Variants in SEC14L5 observed in about 807,000 individuals in gnomAD.
The protein encoded by SEC14L5 is SEC14-like protein 5.
Under a neutral mutation model 84.6 loss-of-function variants are expected in SEC14L5, and 96 were observed. The ratio of observed to expected loss-of-function variants is 1.13; its 90% confidence interval spans 0.96 to 1.34. The LOEUF (loss-of-function observed/expected upper bound fraction) is 1.34. Ranked by LOEUF, SEC14L5 falls within the 40% of genes most tolerant of loss-of-function variation. The pLI is 0.00. For synonymous variants in SEC14L5, 546 were observed against 383.4 expected (o/e 1.42, Z -4.95); for missense variants, 1,224 against 942.5 (o/e 1.30, Z -3.91).
intron 13 of SEC14L5, 120 bp downstream of exon 13, chr16:5,007,606 CT>C (rs377374416): frequency 0.34 from 187,320 of 554,846 alleles, 5,847 homozygotes; most frequent in African/African-American, 0.44. Context: ...TTCTTTCTTT[CT>C]TTTTTTTTTT....
At chr16:4,960,120 C>G (rs974809534) in intron 2 of SEC14L5, among the ~76,000 whole-genome samples, 1 of 152,212 alleles carries the variant, frequency 6.6e-6, no homozygotes, top group African/African-American at 2.4e-5. Context: ...CTGGTCTTTT[C>G]ACCCTGGGGG....
chr16:5,013,766 C>T (rs1314587402), intron 15 of SEC14L5, among the ~76,000 whole-genome samples: 1 of 151,952 alleles, frequency 6.6e-6, no homozygotes, highest in African/African-American at 2.4e-5. Flanking sequence ...CCATGTTAGC[C>T]AGGCTGGTGT....
intron 11 of SEC14L5, among the ~76,000 whole-genome samples, chr16:5,005,410 G>A (rs1261097416): frequency 6.6e-6 from 1 of 151,710 alleles, no homozygotes; most frequent in African/African-American, 2.4e-5. Flanking sequence ...GGGGAGATGG[G>A]AAGTGACGGT....
chr16:5,014,064 A>G (rs556959197), intron 15 of SEC14L5, among the ~76,000 whole-genome samples: 3 of 152,384 alleles, frequency 2.0e-5, no homozygotes, highest in Admixed American at 1.3e-4. Context: ...TTGAGTAGCA[A>G]GGCCCTAAAG....
intron 5 of SEC14L5, among the ~76,000 whole-genome samples, chr16:4,991,574 T>A (rs1001149843): frequency 5.9e-5 from 9 of 151,642 alleles, no homozygotes; most frequent in Non-Finnish European, 1.3e-4. Flanking sequence ...TCAAAAAAAA[T>A]AAACAAAAAC....
chr16:5,011,001 C>A, intron 14 of SEC14L5, 94 bp from the exon 15 acceptor site: 1 of 1,261,100 alleles, frequency 7.9e-7, no homozygotes, highest in Non-Finnish European at 1.1e-6. Context: ...GCCCCAATTT[C>A]CAGGCCTGGT....
intron 2 of SEC14L5, among the ~76,000 whole-genome samples, chr16:4,976,175 C>G (rs112387402): frequency 8.7e-4 from 132 of 152,316 alleles, no homozygotes; most frequent in African/African-American, 2.9e-3. Context: ...TGAGCTGACT[C>G]CTTTATTCTT....
chr16:4,980,003 C>A (rs922617364), intron 2 of SEC14L5, among the ~76,000 whole-genome samples: 4 of 152,208 alleles, frequency 2.6e-5, no homozygotes, highest in African/African-American at 7.2e-5. Flanking sequence ...TGAGGCAGGA[C>A]ACAGTGATTC....
Position 4,965,143 on chromosome 16 carries a change from G to T in SEC14L5, c.63+5757G>T, listed in dbSNP as rs1327051594. On this transcript the variant is annotated intron_variant, in intron 2 of 15. Coordinates refer to ENST00000251170, the MANE Select transcript of SEC14L5 (RefSeq NM_014692.2). ...TGTCTGGTGATAAGAAGACACCTGAGGGTACAATATTTTTAAGGTTCATCC... is the reference window on the plus strand; with the variant it reads ...TGTCTGGTGATAAGAAGACACCTGATGGTACAATATTTTTAAGGTTCATCC... 1.3e-5 allele frequency among the ~76,000 whole-genome samples: 2 copies of T among 152,166 alleles called. 1 individual carries two copies. Among genetic ancestry groups the T allele is most frequent in the South Asian group, 4.1e-4 (2 of 4,832 alleles).
chr16:4,991,020 C>T, intron 5 of SEC14L5, 125 bp downstream of exon 5: 1 of 694,182 alleles, frequency 1.4e-6, no homozygotes, highest in Non-Finnish European at 2.2e-6. Context: ...TAAATGGGTA[C>T]TCTAGTAATG....
intron 2 of SEC14L5, among the ~76,000 whole-genome samples, chr16:4,977,472 A>AAAAAAAAAG (rs1955359341): frequency 4.2e-4 from 1 of 2,390 alleles, no homozygotes; most frequent in Non-Finnish European, 1.1e-3. Flanking sequence ...AAAAAAAAGG[A>AAAAAAAAAG]AAAAAAAAGA....
At position 4,994,720 on chromosome 16, in the gene SEC14L5, C is replaced by G. The variant is rs183119946; in HGVS notation, c.668-1628C>G. Among the ~76,000 whole-genome samples the G allele has an allele frequency of 1.8e-4, 27 of 151,978 alleles. No homozygotes were observed. In the East Asian group the frequency reaches 1.9e-3, roughly 11 times the overall value. ...TTATAACAGCGCCCGCTCCTGCCCC[C>G]TCCTGTGCACGCTCTCTGTGGCCTG... On this transcript the variant is annotated intron_variant, in intron 6 of 15. Coordinates refer to ENST00000251170, the MANE Select transcript of SEC14L5 (RefSeq NM_014692.2).
intron 2 of SEC14L5, among the ~76,000 whole-genome samples, chr16:4,970,998 C>T (rs548906912): frequency 2.6e-5 from 4 of 151,714 alleles, no homozygotes; most frequent in East Asian, 1.9e-4. Flanking sequence ...GTCCCAGCTA[C>T]GCGGGGGGCT....
chr16:4,974,918 C>T (rs927084813), intron 2 of SEC14L5, among the ~76,000 whole-genome samples: 1 of 151,874 alleles, frequency 6.6e-6, no homozygotes, highest in African/African-American at 2.4e-5. Context: ...GCTGGGATTA[C>T]AGGTGTGTGC....
chr16:4,979,173 G>T (rs1416207160), intron 2 of SEC14L5, among the ~76,000 whole-genome samples: 7 of 152,154 alleles, frequency 4.6e-5, no homozygotes, highest in African/African-American at 1.7e-4. Context: ...GCACAGGGAG[G>T]GTCAGAAATG....
At chr16:5,007,524 AGT>A in intron 13 of SEC14L5, 38 bp downstream of exon 13, 1 of 1,598,866 alleles carries the variant, frequency 6.3e-7, no homozygotes, top group East Asian at 2.3e-5. Flanking sequence ...GCTGAGCTGG[AGT>A]GTCTGTCGTC....
Position 5,000,707 on chromosome 16 carries a change from G to C in SEC14L5, c.1023G>C (p.Leu341Phe), listed in dbSNP as rs1596637973. 6.4e-7 allele frequency: 1 copy of C among 1,552,478 alleles called. No homozygotes were observed. The highest frequency in any genetic ancestry group is 8.7e-7 in the Non-Finnish European group (1 of 1,147,602). The change falls in exon 9 of 16, where the codon TTG becomes TTC. Residue 341 changes from leucine (L) to phenylalanine (F), a missense_variant. Leu to Phe is a conservative substitution (Grantham distance 22). Transcript: ENST00000251170. ...TGGGCCAGATGGACACCAAAGGCTTGATGAAGGCCGTGGGGGAGGAGGCGC... is the reference window on the plus strand; with the variant it reads ...TGGGCCAGATGGACACCAAAGGCTTCATGAAGGCCGTGGGGGAGGAGGCGC... The part of the protein sequence containing the change: ...LRLGQMDTKG[L>F]MKAVGEEALL...
chr16:4,995,849 A>C (rs191504210), intron 6 of SEC14L5, among the ~76,000 whole-genome samples: 1 of 151,814 alleles, frequency 6.6e-6, no homozygotes, highest in African/African-American at 2.4e-5. Flanking sequence ...TGGTCCCAAA[A>C]TCCTGACTTC....
At chr16:4,967,970 C>T (rs1440386225) in intron 2 of SEC14L5, among the ~76,000 whole-genome samples, 4 of 136,842 alleles carry the variant, frequency 2.9e-5, no homozygotes, top group African/African-American at 5.4e-5. Flanking sequence ...CCTTCCCCTC[C>T]CTTCCCCTCC....
Sources: gnomAD v4.1 joint callset for allele counts (sites outside exome capture counted in the v4.1 genomes callset) on GRCh38, gnomAD v4.1.1 for gene constraint, MANE v1.5 for transcripts, NCBI Gene and HGNC (gene_info 2026-07-23, HGNC 2026-07-21) for gene names.